The following IQCH variants were observed in gnomAD, a reference collection of about 807,000 sequenced individuals.
IQCH encodes the protein IQ domain-containing protein H.
Under a neutral mutation model 117.0 loss-of-function variants are expected in IQCH, and 98 were observed. That is an observed-to-expected ratio of 0.84 (90% CI 0.71 to 0.99). The LOEUF is 0.99. Ranked by LOEUF, IQCH falls within the 50% of genes least tolerant of loss-of-function variation. The pLI, the probability that IQCH is intolerant of heterozygous loss-of-function variation, is 0.00. For missense variants in IQCH, 1,102 were observed against 1,243.8 expected (o/e 0.89, Z 1.72); for synonymous variants, 412 against 448.2 (o/e 0.92, Z 1.02).
rs71142373 is a variant in IQCH, at chr15:67,358,207, C to CTTTTTTTTTTTTTTT, written c.714+787_714+801dup. On this transcript the variant is annotated intron_variant, in intron 7 of 20. Coordinates refer to ENST00000335894, the MANE Select transcript of IQCH (RefSeq NM_001031715.3). ...TAACCATCATGAGGCACTTTCTTTT[C>CTTTTTTTTTTTTTTT]TTTTTTTTTTTTTTTGAGATGGAGT... 7.1e-3 allele frequency among the ~76,000 whole-genome samples: 74 copies of CTTTTTTTTTTTTTTT among 10,452 alleles called. 26 individuals are homozygous for CTTTTTTTTTTTTTTT. The highest frequency in any genetic ancestry group is 0.017 in the African/African-American group (49 of 2,910). 6.9% of individuals were successfully genotyped at this position (10,452 alleles called of 152,430 possible).
At position 67,474,370 on chromosome 15, in the gene IQCH, C is replaced by A. The variant is rs80302048; in HGVS notation, c.2677-1326C>A. Among the ~76,000 whole-genome samples the A allele has an allele frequency of 2.0e-5, 3 of 152,140 alleles. No individual in the cohort carries two copies. Among genetic ancestry groups the A allele is most frequent in the Non-Finnish European group, 4.4e-5 (3 of 68,028 alleles). ...ACCACAGTTCAAGAGCCAAGCCAGGCACCTTTATCTTCTATGCCCTAAGGT... is the reference window on the plus strand; with the variant it reads ...ACCACAGTTCAAGAGCCAAGCCAGGAACCTTTATCTTCTATGCCCTAAGGT... On this transcript the variant is annotated intron_variant, in intron 17 of 20. Transcript: ENST00000335894. This position sits in a 1 kb window ranked among gnomAD's most constrained non-coding sequence, Gnocchi z 4.1.
intron 3 of IQCH, among the ~76,000 whole-genome samples, chr15:67,275,714 C>CA (rs1420646847): frequency 2.6e-5 from 4 of 151,850 alleles, no homozygotes; most frequent in Admixed American, 1.3e-4. Context: ...CCTGTCTCTA[C>CA]AAAAAAAATT....
chr15:67,412,787 G>C (rs942121881), intron 14 of IQCH, among the ~76,000 whole-genome samples: 2 of 152,202 alleles, frequency 1.3e-5, no homozygotes, highest in African/African-American at 4.8e-5. Flanking sequence ...TGGGAAGATA[G>C]AAAAGGGAGG....
In IQCH at chr15:67,395,658, A is replaced by G. The variant is rs180969971; in HGVS notation, c.1905+95A>G. The G allele has an allele frequency of 1.5e-4, 150 of 993,624 alleles. No homozygotes were observed. The East Asian group carries it at 3.4e-3, about 23-fold the overall frequency. 61.6% of individuals were successfully genotyped at this position (993,624 alleles called of 1,614,324 possible). A position where few individuals can be genotyped will look rare whatever the true frequency, so the allele number is the denominator to read the frequency against. ...AAGTCTTCTGGAGCCAGACCTACCC[A>G]ATGAAGAATAGGTGGAATATTTGAG... On this transcript the variant is annotated intron_variant, in intron 13 of 20. Coordinates refer to ENST00000335894, the MANE Select transcript of IQCH (RefSeq NM_001031715.3). The surrounding 1 kb of genome is among the most constrained non-coding windows in gnomAD (Gnocchi z 4.0).
At chr15:67,326,540 A>C (rs1373169439) in intron 4 of IQCH, among the ~76,000 whole-genome samples, 3 of 152,190 alleles carry the variant, frequency 2.0e-5, no homozygotes, top group Non-Finnish European at 4.4e-5. Flanking sequence ...AGGAGTCGCC[A>C]CACTGTCTTC....
intron 8 of IQCH, among the ~76,000 whole-genome samples, chr15:67,362,801 A>G (rs1038597626): frequency 1.3e-5 from 2 of 152,216 alleles, no homozygotes; most frequent in African/African-American, 4.8e-5. Context: ...TTTGCTATCA[A>G]ACTATATGGT....
At chr15:67,326,574 G>T (rs1434181532) in intron 4 of IQCH, among the ~76,000 whole-genome samples, 1 of 152,052 alleles carries the variant, frequency 6.6e-6, no homozygotes. Flanking sequence ...CTAGTTTGCT[G>T]TCCCACCAGC....
At chr15:67,331,123 A>C (rs185736352) in intron 4 of IQCH, among the ~76,000 whole-genome samples, 3 of 152,348 alleles carry the variant, frequency 2.0e-5, no homozygotes, top group African/African-American at 7.2e-5. Flanking sequence ...TATGGTCACT[A>C]TATGGATTTC....
intron 8 of IQCH, among the ~76,000 whole-genome samples, chr15:67,361,190 G>A (rs968871457): frequency 8.5e-5 from 13 of 152,318 alleles, no homozygotes; most frequent in South Asian, 6.2e-4. Context: ...TCCAGGTTAT[G>A]AATGCTTCCA....
chr15:67,441,395 T>C (rs933688025), intron 16 of IQCH, among the ~76,000 whole-genome samples: 2 of 152,038 alleles, frequency 1.3e-5, no homozygotes, highest in African/African-American at 2.4e-5. Flanking sequence ...ATTCTAAAAT[T>C]CATATGGAAC....
chr15:67,421,679 ACT>A, intron 16 of IQCH, 102 bp downstream of exon 16: 12 of 1,182,246 alleles, frequency 1.0e-5, no homozygotes, highest in Non-Finnish European at 1.5e-5. Flanking sequence ...TCTAAAATGC[ACT>A]GATTCTCTGA....
chr15:67,303,746 A>G (rs12594229), intron 4 of IQCH, among the ~76,000 whole-genome samples: 1 of 152,068 alleles, frequency 6.6e-6, no homozygotes, highest in East Asian at 1.9e-4. Context: ...CATGTCAACA[A>G]TAACTAATTT....
At chr15:67,349,216 G>A (rs8025186) in intron 6 of IQCH, among the ~76,000 whole-genome samples, 103,730 of 152,108 alleles carry the variant, frequency 0.68, 35,829 homozygotes, top group Middle Eastern at 0.84. Flanking sequence ...GGTTTCTTAC[G>A]TACCACACCA....
chr15:67,464,660 T>C (rs537485844), intron 16 of IQCH, among the ~76,000 whole-genome samples: 1 of 152,284 alleles, frequency 6.6e-6, no homozygotes, highest in South Asian at 2.1e-4. Flanking sequence ...ATATTGAGGC[T>C]CCCAGAGGGG....
rs934386858 is a variant in IQCH at position 67,474,304 on chromosome 15, T to C, written c.2677-1392T>C. Among the ~76,000 whole-genome samples, 1 of 152,140 alleles carries C rather than the reference T, an allele frequency of 6.6e-6. No homozygotes were observed. Among genetic ancestry groups the C allele is most frequent in the African/African-American group, 2.4e-5 (1 of 41,420 alleles). The stretch of plus-strand genomic sequence containing the variant: ...TTTGCCTACTCCTTTTCCAGGTCAC[T>C]GCATAAGTCTGGGTACCTAGTTGCC... On this transcript the variant is annotated intron_variant, in intron 17 of 20. Transcript: ENST00000335894. The surrounding 1 kb of genome is among the most constrained non-coding windows in gnomAD (Gnocchi z 4.1).
intron 14 of IQCH, among the ~76,000 whole-genome samples, chr15:67,412,444 T>A (rs2140896865): frequency 6.6e-6 from 1 of 152,186 alleles, no homozygotes; most frequent in East Asian, 1.9e-4. Context: ...AGTTTTGGTT[T>A]TGTTGCCCAG....
intron 4 of IQCH, among the ~76,000 whole-genome samples, chr15:67,321,140 A>C (rs891755990): frequency 6.6e-6 from 1 of 152,114 alleles, no homozygotes; most frequent in Admixed American, 6.6e-5. Context: ...ATTTTACCAT[A>C]AGTTACTGTT....
intron 16 of IQCH, among the ~76,000 whole-genome samples, chr15:67,452,259 CT>C (rs2082545833): frequency 6.6e-6 from 1 of 152,150 alleles, no homozygotes; most frequent in African/African-American, 2.4e-5. Context: ...GAATTCAATC[CT>C]GTCATTATGA....
chr15:67,337,226 C>A, intron 5 of IQCH, 131 bp downstream of exon 5: 1 of 912,594 alleles, frequency 1.1e-6, no homozygotes, highest in African/African-American at 1.6e-5. Flanking sequence ...CAAGTCAGGT[C>A]CTCACTCTGG....
Sources: gnomAD v4.1 joint callset for allele counts (sites outside exome capture counted in the v4.1 genomes callset) on GRCh38, gnomAD v4.1.1 for gene constraint, Gnocchi (gnomAD v3.1) non-coding constraint, MANE v1.5 for transcripts, NCBI Gene and HGNC (gene_info 2026-07-23, HGNC 2026-07-21) for gene names.